ATP8A2: variants seen among roughly 807,000 people sequenced by gnomAD.
The protein encoded by ATP8A2 is phospholipid-transporting ATPase IB.
ATP8A2 carries 100 observed loss-of-function variants against 165.6 expected under a neutral mutation model. The ratio of observed to expected loss-of-function variants is 0.60; its 90% CI spans 0.51 to 0.71. ATP8A2 has a LOEUF of 0.71. Among genes scored for constraint, ATP8A2 ranks in the 30% least tolerant of loss-of-function variants. ATP8A2 has a pLI of 0.00. For synonymous variants in ATP8A2, 543 were observed against 548.8 expected, an observed-to-expected ratio of 0.99 and a Z score of 0.15; for missense variants, 1,227 against 1,479.5, an observed-to-expected ratio of 0.83 and a Z score of 2.80.
At chr13:25,900,055 T>C (rs908261367) in intron 33 of ATP8A2, among the ~76,000 whole-genome samples, 2 of 152,026 alleles carry the variant, frequency 1.3e-5, no homozygotes, top group Admixed American at 1.3e-4. Context: ...GGATCATACA[T>C]TTGGAAGAGC....
chr13:25,544,108 T>G lies in ATP8A2; in HGVS notation c.891+706T>G, dbSNP rs373142091. Among the ~76,000 whole-genome samples the G allele has an allele frequency of 2.6e-4, 40 of 152,386 alleles. No individual in the cohort carries two copies. In the East Asian group the frequency reaches 3.9e-3, roughly 15 times the overall value. On this transcript the variant is annotated intron_variant, in intron 10 of 36. Coordinates refer to ENST00000381655, the MANE Select transcript of ATP8A2 (RefSeq NM_016529.6). ...TGCACATTTGGCTGTATTTCTTGAT[T>G]TAAAAATATTTAGTGACCACGTACC...
At chr13:25,790,478 G>T (rs1022646065) in intron 27 of ATP8A2, among the ~76,000 whole-genome samples, 1 of 151,304 alleles carries the variant, frequency 6.6e-6, no homozygotes, top group Non-Finnish European at 1.5e-5. Context: ...TTGAGCCCAG[G>T]AGTTTGAGAC....
chr13:25,528,494 T>C (rs1263443883), intron 2 of ATP8A2, among the ~76,000 whole-genome samples: 1 of 152,204 alleles, frequency 6.6e-6, no homozygotes, highest in Non-Finnish European at 1.5e-5. Context: ...CTCTGGCTGC[T>C]ATATTTTTGA....
Position 26,012,590 on chromosome 13 carries a change from T to G in ATP8A2, c.3437T>G (p.Phe1146Cys). ...RLGRKTPPTLFRGSSLQQGVP... is the reference protein window; with the variant it reads ...RLGRKTPPTLCRGSSLQQGVP... The stretch of plus-strand genomic sequence containing the variant: ...GGCCGGAAGACGCCCCCGACGCTGT[T>G]CCGGGGCAGCTCCCTGCAGCAGGGC... The change falls in exon 36 of 37, where the codon TTC (phenylalanine) becomes TGC (cysteine). Residue 1146 changes from phenylalanine to cysteine, a missense_variant. By Grantham distance (205) the Phe-to-Cys change is radical. This residue lies in a region of ATP8A2 where 260 missense variants were observed against 245.1 expected (regional missense o/e 1.06). Coordinates refer to ENST00000381655, the MANE Select transcript of ATP8A2 (RefSeq NM_016529.6). The G allele has an allele frequency of 6.6e-7, 1 of 1,523,360 alleles. No individual in the cohort carries two copies. The highest frequency in any genetic ancestry group is 8.8e-7 in the Non-Finnish European group (1 of 1,135,634). 94.4% of individuals were successfully genotyped at this position (1,523,360 alleles called of 1,614,324 possible). A position where few individuals can be genotyped will look rare whatever the true frequency, so the allele number is the denominator to read the frequency against.
chr13:25,512,196 T>C (rs2137773474), intron 2 of ATP8A2, among the ~76,000 whole-genome samples: 1 of 151,132 alleles, frequency 6.6e-6, no homozygotes, highest in African/African-American at 2.4e-5. Context: ...GAGCACAGGG[T>C]TGGGGGTAAG....
chr13:25,772,632 T>C (rs914961324), intron 26 of ATP8A2, among the ~76,000 whole-genome samples: 2 of 152,254 alleles, frequency 1.3e-5, no homozygotes, highest in African/African-American at 4.8e-5. Context: ...TCTTTAGTGC[T>C]AATGGAGATT....
chr13:25,432,286 T>C (rs1285718281), intron 1 of ATP8A2, among the ~76,000 whole-genome samples: 1 of 152,202 alleles, frequency 6.6e-6, no homozygotes, highest in Non-Finnish European at 1.5e-5. Context: ...TTTGCCAGTT[T>C]ACCTCGGAGG....
chr13:25,684,764 G>A (rs370995598), intron 24 of ATP8A2, among the ~76,000 whole-genome samples: 1 of 147,426 alleles, frequency 6.8e-6, no homozygotes, highest in African/African-American at 2.5e-5. Flanking sequence ...CTTTTTTTTT[G>A]TTCTTCACAT....
At chr13:25,528,962 GC>G (rs974070094) in intron 2 of ATP8A2, among the ~76,000 whole-genome samples, 7 of 151,994 alleles carry the variant, frequency 4.6e-5, no homozygotes, top group African/African-American at 1.4e-4. Flanking sequence ...ATCTCCTAAT[GC>G]TATCCCTCCC....
intron 23 of ATP8A2, among the ~76,000 whole-genome samples, chr13:25,587,079 T>C (rs2039942152): frequency 6.6e-6 from 1 of 152,032 alleles, no homozygotes; most frequent in African/African-American, 2.4e-5. Flanking sequence ...GATTGCGAGA[T>C]TAAAGAAGTA....
chr13:25,436,553 A>G (rs910538867), intron 1 of ATP8A2, among the ~76,000 whole-genome samples: 2 of 152,114 alleles, frequency 1.3e-5, no homozygotes, highest in African/African-American at 4.8e-5. Flanking sequence ...GCTGTTGTAA[A>G]TAGTACTGTG....
At chr13:25,501,795 G>A (rs951213341) in intron 2 of ATP8A2, among the ~76,000 whole-genome samples, 8 of 152,184 alleles carry the variant, frequency 5.3e-5, no homozygotes, top group Non-Finnish European at 1.2e-4. Context: ...GGAAGGGAGC[G>A]TTTGTCCTCT....
intron 33 of ATP8A2, among the ~76,000 whole-genome samples, chr13:25,893,172 G>A (rs992617420): frequency 6.0e-5 from 9 of 149,856 alleles, no homozygotes; most frequent in Non-Finnish European, 1.3e-4. Flanking sequence ...TTAGCATTAG[G>A]TATATCTCCT....
At chr13:25,919,749 T>C (rs1184612944) in intron 33 of ATP8A2, among the ~76,000 whole-genome samples, 2 of 152,152 alleles carry the variant, frequency 1.3e-5, no homozygotes, top group African/African-American at 2.4e-5. Flanking sequence ...CTTATAGACC[T>C]CTCTGTACTT....
At chr13:25,982,660 A>G (rs1042710903) in intron 35 of ATP8A2, among the ~76,000 whole-genome samples, 1 of 152,200 alleles carries the variant, frequency 6.6e-6, no homozygotes, top group Non-Finnish European at 1.5e-5. Flanking sequence ...TGGAGATAAC[A>G]TTTCTGCTGT....
intron 10 of ATP8A2, among the ~76,000 whole-genome samples, chr13:25,545,922 A>C (rs1048419541): frequency 6.6e-6 from 1 of 152,222 alleles, no homozygotes; most frequent in African/African-American, 2.4e-5. Flanking sequence ...GGCATGAGCC[A>C]CAGTTCCCAG....
intron 1 of ATP8A2, among the ~76,000 whole-genome samples, chr13:25,455,328 G>T (rs1479256488): frequency 6.6e-6 from 1 of 152,210 alleles, no homozygotes; most frequent in African/African-American, 2.4e-5. Context: ...ATTCAAGATT[G>T]TATGTCAGAC....
intron 23 of ATP8A2, among the ~76,000 whole-genome samples, chr13:25,585,123 TAGAC>T (rs1338189072): frequency 6.6e-6 from 1 of 152,232 alleles, no homozygotes; most frequent in African/African-American, 2.4e-5. Context: ...TGTATGTAGA[TAGAC>T]AATCATCTTG....
chr13:25,696,249 T>C (rs1450117062), intron 24 of ATP8A2, among the ~76,000 whole-genome samples: 1 of 151,836 alleles, frequency 6.6e-6, no homozygotes, highest in Non-Finnish European at 1.5e-5. Flanking sequence ...TTAGCCAGGC[T>C]TTGTTTTTCC....
Sources: gnomAD v4.1 joint callset for allele counts (sites outside exome capture counted in the v4.1 genomes callset) on GRCh38, gnomAD v4.1.1 for gene constraint, gnomAD v4.1.1 regional missense constraint, MANE v1.5 for transcripts, NCBI Gene and HGNC (gene_info 2026-07-23, HGNC 2026-07-21) for gene names.